RANBP2: variants seen among roughly 807,000 people sequenced by gnomAD.
RANBP2 encodes RAN binding protein 2, also known as E3 SUMO-protein ligase RanBP2.
In RANBP2, 57 loss-of-function variants were observed where a neutral mutation model predicts 303.6. The ratio of observed to expected loss-of-function variants is 0.19; its 90% CI spans 0.15 to 0.23. The LOEUF (loss-of-function observed/expected upper bound fraction) is 0.23. Among genes scored for constraint, RANBP2 ranks in the 10% least tolerant of loss-of-function variants. The pLI is 1.00. For synonymous variants in RANBP2, 1,167 were observed against 1,301.5 expected, an observed-to-expected ratio of 0.90 and a Z score of 2.23; for missense variants, 3,138 against 3,780.8, an observed-to-expected ratio of 0.83 and a Z score of 4.46.
the RANBP2 span, chr2:108,910,971 G>T: frequency 6.2e-7 from 1 of 1,614,162 alleles, no homozygotes; most frequent in Admixed American, 1.7e-5. Context: ...TTTGTCTTCA[G>T]GATGTAGAAC....
At chr2:108,853,946 TACA>T in the RANBP2 span, among the ~76,000 whole-genome samples, 11 of 122,230 alleles carry the variant, frequency 9.0e-5, no homozygotes, top group African/African-American at 3.5e-4. Context: ...ATATATAATA[TACA>T]ATAAATATAT....
At chr2:109,053,568 C>T in the RANBP2 span, among the ~76,000 whole-genome samples, 1 of 152,186 alleles carries the variant, frequency 6.6e-6, no homozygotes, top group Non-Finnish European at 1.5e-5. Flanking sequence ...GCAGCTTTCT[C>T]GAGCCTTGGG....
the RANBP2 span, among the ~76,000 whole-genome samples, chr2:109,724,971 C>A: frequency 6.6e-6 from 1 of 152,152 alleles, no homozygotes; most frequent in African/African-American, 2.4e-5. Context: ...GTGAGGCAAA[C>A]CTGAGTCAAA....
chr2:109,124,005 T>C, the RANBP2 span, among the ~76,000 whole-genome samples: 40 of 141,130 alleles, frequency 2.8e-4, no homozygotes, highest in African/African-American at 1.0e-3. Flanking sequence ...TATTTATTTA[T>C]TTATTTATTT....
chr2:109,346,304 G>A, the RANBP2 span, among the ~76,000 whole-genome samples: 43 of 152,272 alleles, frequency 2.8e-4, no homozygotes, highest in East Asian at 7.1e-3. Context: ...GTTTGACGTT[G>A]CTGAAACATA....
At chr2:109,325,344 T>C in the RANBP2 span, among the ~76,000 whole-genome samples, 2 of 136,146 alleles carry the variant, frequency 1.5e-5, no homozygotes, top group Admixed American at 7.4e-5. Context: ...TTTTTTTTTT[T>C]TTTTTTTTTT....
chr2:109,458,599 A>AGAGAGAGAGAGAGAGG, the RANBP2 span, among the ~76,000 whole-genome samples: 13 of 150,484 alleles, frequency 8.6e-5, no homozygotes, highest in Non-Finnish European at 4.4e-5. Flanking sequence ...AGAGAGAGAG[A>AGAGAGAGAGAGAGAGG]GAATTTATTT....
chr2:109,063,903 A>G, the RANBP2 span, among the ~76,000 whole-genome samples: 2 of 151,964 alleles, frequency 1.3e-5, no homozygotes, highest in Non-Finnish European at 2.9e-5. Flanking sequence ...TTCGGCAATA[A>G]TTGGTAGGTG....
the RANBP2 span, among the ~76,000 whole-genome samples, chr2:109,061,066 G>A: frequency 0.18 from 26,647 of 151,674 alleles, 2,399 homozygotes; most frequent in African/African-American, 0.21. Context: ...TTTGTCCTCT[G>A]CTTGAATAAT....
the RANBP2 span, among the ~76,000 whole-genome samples, chr2:109,659,300 G>A: frequency 7.1e-6 from 1 of 141,488 alleles, no homozygotes; most frequent in East Asian, 2.2e-4. Flanking sequence ...TTGCTTGCCT[G>A]GGAGGCAGAG....
the RANBP2 span, among the ~76,000 whole-genome samples, chr2:109,040,486 C>T: frequency 1.3e-5 from 2 of 152,098 alleles, no homozygotes; most frequent in African/African-American, 4.8e-5. Context: ...TGGAAAAGTA[C>T]ACACACACAG....
chr2:108,967,676 A>C, the RANBP2 span, among the ~76,000 whole-genome samples: 1 of 152,152 alleles, frequency 6.6e-6, no homozygotes, highest in Non-Finnish European at 1.5e-5. Context: ...TAATTGCTTC[A>C]ATTTTACTTC....
the RANBP2 span, among the ~76,000 whole-genome samples, chr2:108,940,945 C>T: frequency 6.6e-5 from 10 of 152,180 alleles, no homozygotes; most frequent in African/African-American, 1.2e-4. Flanking sequence ...ACTTTGATAA[C>T]GTATATACAC....
chr2:109,238,464 TGTGTGTGTG>T, the RANBP2 span, among the ~76,000 whole-genome samples: 3 of 110,462 alleles, frequency 2.7e-5, no homozygotes, highest in Admixed American at 2.8e-4. Flanking sequence ...TGTGTGTGTG[TGTGTGTGTG>T]TGTGTGTGTG....
the RANBP2 span, chr2:108,873,535 A>T: frequency 6.2e-7 from 1 of 1,612,180 alleles, no homozygotes; most frequent in Non-Finnish European, 8.5e-7. Flanking sequence ...CCTAAGCTTG[A>T]TCTTCAAATA....
At chr2:109,708,838 T>C in the RANBP2 span, among the ~76,000 whole-genome samples, 2 of 150,000 alleles carry the variant, frequency 1.3e-5, no homozygotes, top group African/African-American at 2.5e-5. Flanking sequence ...AAGCTGGATA[T>C]GGTGGTGGGC....
chr2:109,040,379 A>G, the RANBP2 span, among the ~76,000 whole-genome samples: 9 of 152,216 alleles, frequency 5.9e-5, no homozygotes, highest in Non-Finnish European at 1.2e-4. Context: ...TTGATATCCA[A>G]TAGAATAAAC....
chr2:109,641,753 C>T, the RANBP2 span, among the ~76,000 whole-genome samples: 16 of 44,516 alleles, frequency 3.6e-4, no homozygotes, highest in East Asian at 4.5e-3. Context: ...ACCCCATCAC[C>T]ATCTTTTTTT....
At chr2:109,717,279 A>C in the RANBP2 span, among the ~76,000 whole-genome samples, 574 of 150,984 alleles carry the variant, frequency 3.8e-3, 3 homozygotes, top group Non-Finnish European at 6.3e-3. Context: ...AACCAAAAAA[A>C]AAAAAAAAAA....
Sources: allele counts gnomAD v4.1 joint callset (sites outside exome capture counted in the v4.1 genomes callset), GRCh38; gene constraint gnomAD v4.1.1; transcripts MANE v1.5; gene names NCBI Gene and HGNC (gene_info 2026-07-23, HGNC 2026-07-21).